Variants in ILKAP observed in about 807,000 individuals in gnomAD.
ILKAP encodes the protein ILK associated serine/threonine phosphatase, also known as integrin-linked kinase-associated serine/threonine phosphatase 2C.
Under a neutral mutation model 49.1 loss-of-function variants are expected in ILKAP, and 11 were observed. The ratio of observed to expected loss-of-function variants is 0.22; its 90% CI spans 0.14 to 0.37. ILKAP has a LOEUF of 0.37. ILKAP is among the 10% of genes least tolerant of loss of function. The pLI is 1.00. For missense variants in ILKAP, 363 were observed against 510.8 expected, an observed-to-expected ratio of 0.71 and a Z score of 2.79; for synonymous variants, 186 against 192.8, an observed-to-expected ratio of 0.96 and a Z score of 0.29.
chr2:238,194,987 T>G (rs943453605), intron 1 of ILKAP, 117 bp from the exon 2 acceptor site: 1 of 805,602 alleles, frequency 1.2e-6, no homozygotes, highest in East Asian at 2.5e-5. Flanking sequence ...AGATTCTAAT[T>G]TTCTCCTTCC....
intron 7 of ILKAP, 46 bp downstream of exon 7, chr2:238,183,974 A>G (rs747501271): frequency 1.3e-5 from 15 of 1,162,086 alleles, no homozygotes; most frequent in Admixed American, 5.3e-5. Context: ...ATTTAGGAAA[A>G]CACCACACAC....
intron 9 of ILKAP, among the ~76,000 whole-genome samples, chr2:238,176,353 G>C (rs969674731): frequency 6.6e-6 from 1 of 152,022 alleles, no homozygotes; most frequent in African/African-American, 2.4e-5. Context: ...GGCTGGTCTT[G>C]AACTCCTGAC....
At chr2:238,171,107 A>T in intron 10 of ILKAP, 83 bp from the exon 11 acceptor site, 2 of 905,722 alleles carry the variant, frequency 2.2e-6, no homozygotes, top group Non-Finnish European at 1.7e-6. Context: ...AGATGGAGAT[A>T]AAATAAATAT....
intron 1 of ILKAP, among the ~76,000 whole-genome samples, chr2:238,198,797 T>C (rs977503733): frequency 6.6e-6 from 1 of 152,320 alleles, no homozygotes; most frequent in African/African-American, 2.4e-5. Context: ...AAAATACCCT[T>C]GGGTTGATCA....
intron 10 of ILKAP, 35 bp downstream of exon 10, chr2:238,173,499 G>A (rs2106325720): frequency 6.3e-7 from 1 of 1,593,406 alleles, no homozygotes; most frequent in Non-Finnish European, 8.5e-7. Context: ...AAACCCACAT[G>A]CACACACACC....
intron 8 of ILKAP, among the ~76,000 whole-genome samples, 162 bp from the exon 9 acceptor site, chr2:238,182,348 A>G (rs1433934252): frequency 2.6e-5 from 4 of 152,236 alleles, no homozygotes; most frequent in Non-Finnish European, 5.9e-5. Flanking sequence ...AGAATCAAGC[A>G]GCAAAGAAGT....
intron 5 of ILKAP, among the ~76,000 whole-genome samples, chr2:238,187,350 C>T (rs1212339700): frequency 1.3e-5 from 2 of 152,178 alleles, no homozygotes; most frequent in Non-Finnish European, 2.9e-5. Context: ...GGACAAACGC[C>T]ATCAGCCCAA....
intron 8 of ILKAP, among the ~76,000 whole-genome samples, 153 bp from the exon 9 acceptor site, chr2:238,182,339 G>C (rs920798453): frequency 6.6e-6 from 1 of 152,202 alleles, no homozygotes; most frequent in Non-Finnish European, 1.5e-5. Flanking sequence ...TAAGTTCAGA[G>C]AATCAAGCAG....
rs1220542877 is a variant in ILKAP, at chr2:238,170,974, T to G, written c.1007A>C (p.Glu336Ala). 1 of 1,614,018 alleles carries G rather than the reference T, an allele frequency of 6.2e-7. No homozygotes were observed. Among genetic ancestry groups the G allele is most frequent in the Non-Finnish European group, 8.5e-7 (1 of 1,180,000 alleles). Residue 336 changes from glutamate to alanine, a missense_variant, in exon 11 of 12, where the codon GAA (glutamate) becomes GCA (alanine). By Grantham distance (107) the Glu-to-Ala change is moderately radical (BLOSUM62 -1). This residue lies in a region of ILKAP where 83 missense variants were observed against 87.5 expected (regional missense o/e 0.95). Transcript: ENST00000254654. ...DGLFKVFTPE[E>A]AVNFILSCLE... ...ACAGGACAAGATGAAGTTCACGGCT[T>G]CTTCTGGGGTAAAGACCTTGAAGAG...
At chr2:238,184,194 T>C in intron 6 of ILKAP, 81 bp from the exon 7 acceptor site, 1 of 874,848 alleles carries the variant, frequency 1.1e-6, no homozygotes, top group South Asian at 1.4e-5. Flanking sequence ...GGTTTGTTTT[T>C]TGTTTTATTT....
intron 4 of ILKAP, chr2:238,188,685 T>A (rs1694001122): frequency 1.3e-5 from 2 of 154,538 alleles, no homozygotes; most frequent in African/African-American, 4.8e-5. Flanking sequence ...GCCCTGAAAA[T>A]ATGTATTTCC....
intron 9 of ILKAP, among the ~76,000 whole-genome samples, chr2:238,176,769 C>T (rs1693477903): frequency 6.6e-6 from 1 of 152,250 alleles, no homozygotes; most frequent in African/African-American, 2.4e-5. Context: ...GTCTTCAGCT[C>T]CTCTTGCATG....
chr2:238,175,132 T>TG (rs953354936), intron 9 of ILKAP, among the ~76,000 whole-genome samples: 2 of 152,080 alleles, frequency 1.3e-5, no homozygotes, highest in South Asian at 2.1e-4. Context: ...CTTTTTTTTT[T>TG]TAAGAGACAG....
intron 9 of ILKAP, 94 bp downstream of exon 9, chr2:238,181,971 C>T (rs530667844): frequency 3.2e-5 from 43 of 1,348,724 alleles, no homozygotes; most frequent in African/African-American, 2.5e-4. Flanking sequence ...CTGAAGACTA[C>T]GTAACAGGGG....
chr2:238,173,819 G>A (rs1693332098), intron 9 of ILKAP, 166 bp from the exon 10 acceptor site: 2 of 875,492 alleles, frequency 2.3e-6, no homozygotes, highest in South Asian at 1.8e-5. Context: ...ATGCAGGGGT[G>A]TCTAGGCCAT....
intron 1 of ILKAP, among the ~76,000 whole-genome samples, chr2:238,197,055 G>A (rs1412652670): frequency 1.3e-5 from 2 of 152,288 alleles, no homozygotes; most frequent in South Asian, 2.1e-4. Flanking sequence ...AATTAGCTAG[G>A]CATGGTGGCG....
rs1330435155 is a variant in ILKAP at position 238,188,111 on chromosome 2, T to C, written c.425+20A>G. 6.2e-7 allele frequency: 1 copy of C among 1,612,774 alleles called. No homozygotes were observed. Among genetic ancestry groups the C allele is most frequent in the Non-Finnish European group, 8.5e-7 (1 of 1,178,978 alleles). On this transcript the variant is annotated intron_variant, in intron 5 of 11. Coordinates refer to ENST00000254654, the MANE Select transcript of ILKAP (RefSeq NM_030768.3). The stretch of plus-strand genomic sequence containing the variant: ...AGGAGATGTTAATGCCAGCCGGGCT[T>C]CCTACCACATGAGACTCACATGAGG...
intron 3 of ILKAP, among the ~76,000 whole-genome samples, chr2:238,191,215 G>A (rs887231973): frequency 5.3e-5 from 8 of 151,038 alleles, no homozygotes; most frequent in African/African-American, 2.0e-4. Flanking sequence ...GTGACGCAAC[G>A]TCAGCTCACT....
chr2:238,194,931 G>T, intron 1 of ILKAP, 61 bp from the exon 2 acceptor site: 1 of 1,394,720 alleles, frequency 7.2e-7, no homozygotes, highest in Non-Finnish European at 1.0e-6. Context: ...GATTTTCAAA[G>T]AGGAAGATCA....
Sources: gnomAD v4.1 joint callset for allele counts (sites outside exome capture counted in the v4.1 genomes callset) on GRCh38, gnomAD v4.1.1 for gene constraint, gnomAD v4.1.1 regional missense constraint, MANE v1.5 for transcripts, NCBI Gene and HGNC (gene_info 2026-07-23, HGNC 2026-07-21) for gene names.